CSTPP1: variants seen among roughly 807,000 people sequenced by gnomAD.
The protein encoded by CSTPP1 is UPF0705 protein C11orf49.
chr11:46,962,774 G>A, the CSTPP1 span, among the ~76,000 whole-genome samples: 7 of 151,754 alleles, frequency 4.6e-5, no homozygotes, highest in African/African-American at 1.2e-4. Context: ...GCAACATGGC[G>A]AAACCCCATC....
At chr11:47,064,607 C>A in the CSTPP1 span, among the ~76,000 whole-genome samples, 1 of 152,052 alleles carries the variant, frequency 6.6e-6, no homozygotes, top group East Asian at 1.9e-4. Flanking sequence ...CCCTTTGCAC[C>A]CTTGTCAAAA....
chr11:47,138,748 C>T, the CSTPP1 span, among the ~76,000 whole-genome samples: 1 of 152,034 alleles, frequency 6.6e-6, no homozygotes, highest in East Asian at 1.9e-4. Context: ...GAGGCCAAGG[C>T]AGGCAGATCC....
the CSTPP1 span, among the ~76,000 whole-genome samples, chr11:47,058,383 C>T: frequency 6.6e-6 from 1 of 152,030 alleles, no homozygotes; most frequent in Non-Finnish European, 1.5e-5. Context: ...CAGGAAAATA[C>T]AGCCCATAAC....
At chr11:47,077,042 TG>T in the CSTPP1 span, among the ~76,000 whole-genome samples, 5 of 150,720 alleles carry the variant, frequency 3.3e-5, no homozygotes, top group Non-Finnish European at 5.9e-5. Flanking sequence ...AAAGAGAAAT[TG>T]GAAGAACTAG....
the CSTPP1 span, chr11:47,163,959 A>G: frequency 0.26 from 270,081 of 1,042,906 alleles, 39,955 homozygotes; most frequent in East Asian, 0.66. Context: ...AATATTTCTT[A>G]AACTCCACTG....
At chr11:46,961,355 G>T in the CSTPP1 span, among the ~76,000 whole-genome samples, 1 of 152,002 alleles carries the variant, frequency 6.6e-6, no homozygotes. Context: ...TTTGGCCAAG[G>T]GTTTGTCTTC....
At chr11:46,951,879 T>G in the CSTPP1 span, among the ~76,000 whole-genome samples, 1 of 152,192 alleles carries the variant, frequency 6.6e-6, no homozygotes, top group Non-Finnish European at 1.5e-5. Flanking sequence ...TATTAATTAA[T>G]AAGAAGACAT....
chr11:47,052,164 T>G, the CSTPP1 span: 1 of 401,002 alleles, frequency 2.5e-6, no homozygotes, highest in Non-Finnish European at 4.4e-6. Flanking sequence ...CTGTGGAAGG[T>G]GGGAAGCACT....
the CSTPP1 span, among the ~76,000 whole-genome samples, chr11:47,144,135 T>C: frequency 2.6e-5 from 4 of 152,196 alleles, no homozygotes; most frequent in African/African-American, 9.6e-5. Context: ...TTGTAAGATT[T>C]CAGTAACACC....
the CSTPP1 span, among the ~76,000 whole-genome samples, chr11:47,078,758 G>A: frequency 2.6e-5 from 4 of 152,180 alleles, no homozygotes; most frequent in African/African-American, 9.7e-5. Flanking sequence ...GAAAATAAGA[G>A]GTTCTCTGCT....
chr11:47,150,469 T>C, the CSTPP1 span, among the ~76,000 whole-genome samples: 1 of 152,168 alleles, frequency 6.6e-6, no homozygotes, highest in African/African-American at 2.4e-5. Flanking sequence ...TGTCACTTGG[T>C]AGATCTTATG....
the CSTPP1 span, among the ~76,000 whole-genome samples, chr11:46,970,296 CTATT>C: frequency 1.6e-4 from 25 of 151,706 alleles, no homozygotes; most frequent in African/African-American, 6.0e-4. Flanking sequence ...AAGAACAAAT[CTATT>C]TAATCTGTGA....
At chr11:47,109,454 A>C in the CSTPP1 span, 1 of 152,200 alleles carries the variant, frequency 6.6e-6, no homozygotes, top group Non-Finnish European at 1.5e-5. Context: ...GGCTCACTGA[A>C]CCACTCAAGA....
the CSTPP1 span, among the ~76,000 whole-genome samples, chr11:47,120,623 G>A: frequency 1.3e-5 from 2 of 152,210 alleles, no homozygotes; most frequent in African/African-American, 2.4e-5. The surrounding 1 kb of genome is among the most constrained non-coding windows in gnomAD (Gnocchi z 4.2). Flanking sequence ...AGTGGAATAT[G>A]TAAAAGCATG....
the CSTPP1 span, among the ~76,000 whole-genome samples, chr11:47,063,357 T>C: frequency 2.0e-5 from 3 of 152,188 alleles, no homozygotes; most frequent in Non-Finnish European, 2.9e-5. Context: ...CTTTAACCAT[T>C]TTTAAGTGTA....
At chr11:47,138,113 G>A in the CSTPP1 span, 2 of 199,746 alleles carry the variant, frequency 1.0e-5, no homozygotes, top group Non-Finnish European at 2.0e-5. Flanking sequence ...GGTAATTTAT[G>A]AAGAAAAGAG....
the CSTPP1 span, chr11:46,948,124 G>A: frequency 2.2e-6 from 1 of 456,270 alleles, no homozygotes; most frequent in South Asian, 1.5e-5. Flanking sequence ...GAACCGGTCG[G>A]CTCCATGGTT....
At chr11:47,154,399 G>A in the CSTPP1 span, 2 of 152,282 alleles carry the variant, frequency 1.3e-5, no homozygotes, top group Non-Finnish European at 2.9e-5. Context: ...TGGCTCAGAT[G>A]AGGTGCTGAG....
the CSTPP1 span, among the ~76,000 whole-genome samples, chr11:46,969,013 T>C: frequency 6.6e-6 from 1 of 151,992 alleles, no homozygotes; most frequent in African/African-American, 2.4e-5. Flanking sequence ...ACACTGTTCT[T>C]AGGCCTCTAG....
Sources: gnomAD v4.1 joint callset for allele counts (sites outside exome capture counted in the v4.1 genomes callset) on GRCh38, gnomAD v4.1.1 for gene constraint, Gnocchi (gnomAD v3.1) non-coding constraint, MANE v1.5 for transcripts, NCBI Gene and HGNC (gene_info 2026-07-23, HGNC 2026-07-21) for gene names.